Variants in POU2F1 observed in about 807,000 individuals in gnomAD.
The protein encoded by POU2F1 is POU domain, class 2, transcription factor 1.
In POU2F1, 16 loss-of-function variants were observed where a neutral mutation model predicts 84.9. That is an observed-to-expected ratio of 0.19 (90% CI 0.13 to 0.29). The LOEUF is 0.29. POU2F1 is among the 10% of genes least tolerant of loss of function. The probability of loss-of-function intolerance (pLI) is 1.00; values close to 1 mark genes in which losing one functional copy is unlikely to be tolerated. For missense variants in POU2F1, 738 were observed against 942.6 expected, an observed-to-expected ratio of 0.78 and a Z score of 2.84; for synonymous variants, 368 against 368.3, an observed-to-expected ratio of 1.00 and a Z score of 0.01.
At chr1:167,239,130 C>G (rs565280747) in intron 1 of POU2F1, among the ~76,000 whole-genome samples, 20 of 152,352 alleles carry the variant, frequency 1.3e-4, no homozygotes, top group African/African-American at 4.6e-4. Flanking sequence ...CCTATCCCTT[C>G]TACCAAAAAT....
chr1:167,399,710 A>G (rs1026827166), intron 12 of POU2F1, among the ~76,000 whole-genome samples: 7 of 151,900 alleles, frequency 4.6e-5, no homozygotes, highest in Non-Finnish European at 8.8e-5. Context: ...GTCTCATTCC[A>G]TCACCCAGGC....
chr1:167,335,401 C>G (rs111466631), intron 2 of POU2F1, among the ~76,000 whole-genome samples: 5 of 152,212 alleles, frequency 3.3e-5, no homozygotes, highest in African/African-American at 1.2e-4. Context: ...AAGGACCCAT[C>G]AGGGAGCAAG....
intron 1 of POU2F1, among the ~76,000 whole-genome samples, chr1:167,283,790 G>A (rs1653336694): frequency 6.6e-6 from 1 of 152,096 alleles, no homozygotes; most frequent in Non-Finnish European, 1.5e-5. Context: ...AGTGTCAAGC[G>A]GTCTTCTGTG....
intron 13 of POU2F1, among the ~76,000 whole-genome samples, chr1:167,402,483 C>T (rs1268687312): frequency 1.3e-5 from 2 of 152,068 alleles, no homozygotes; most frequent in Admixed American, 1.3e-4. Context: ...TCCAATCATC[C>T]ATTAATTTTT....
At chr1:167,364,724 A>G (rs1365438896) in intron 2 of POU2F1, among the ~76,000 whole-genome samples, 5 of 151,072 alleles carry the variant, frequency 3.3e-5, no homozygotes, top group Non-Finnish European at 7.4e-5. Flanking sequence ...TCAGGCGCAC[A>G]CCACCACACA....
chr1:167,330,064 G>T (rs561706159), intron 1 of POU2F1, among the ~76,000 whole-genome samples: 3 of 152,144 alleles, frequency 2.0e-5, no homozygotes, highest in African/African-American at 4.8e-5. Context: ...TTGATTTTTA[G>T]ATATATGGTG....
At chr1:167,241,712 T>C (rs180936395) in intron 1 of POU2F1, 1 of 152,266 alleles carries the variant, frequency 6.6e-6, no homozygotes, top group African/African-American at 2.4e-5. Context: ...ACTGTTCTAA[T>C]GTTTTACATG....
chr1:167,357,227 T>C (rs997096640), intron 2 of POU2F1, among the ~76,000 whole-genome samples: 1 of 152,154 alleles, frequency 6.6e-6, no homozygotes, highest in Non-Finnish European at 1.5e-5. Context: ...CCTTATCTTC[T>C]TCTTAATCTT....
intron 1 of POU2F1, among the ~76,000 whole-genome samples, chr1:167,283,751 GCTATTTT>G: frequency 6.6e-6 from 1 of 152,248 alleles, no homozygotes; most frequent in South Asian, 2.1e-4. Flanking sequence ...ACAAGAATTT[GCTATTTT>G]CTATAGTTTG....
intron 1 of POU2F1, among the ~76,000 whole-genome samples, chr1:167,278,228 A>C (rs1255155497): frequency 6.6e-6 from 1 of 152,180 alleles, no homozygotes; most frequent in Non-Finnish European, 1.5e-5. Flanking sequence ...TTTCCATTTC[A>C]TTCTTCACGT....
intron 1 of POU2F1, 46 bp downstream of exon 1, chr1:167,221,004 G>A: frequency 3.4e-6 from 5 of 1,468,304 alleles, no homozygotes; most frequent in Admixed American, 2.0e-5. Flanking sequence ...ACTCAACCCC[G>A]GCTCCCGCTG....
At position 167,301,722 on chromosome 1, in the gene POU2F1, G is replaced by A. The variant is rs149671714; in HGVS notation, c.62-30748G>A. 4.1e-3 allele frequency among the ~76,000 whole-genome samples: 621 copies of A among 152,308 alleles called. 5 individuals carry two copies. The highest frequency in any genetic ancestry group is 0.014 in the African/African-American group (600 of 41,582). Reference sequence around the variant, plus strand: ...GGGTAGGTTTTTCTTACTCCTTACAGTTCCTGGTTGGGAGGGTTTGGTGGA... The same window carrying A: ...GGGTAGGTTTTTCTTACTCCTTACAATTCCTGGTTGGGAGGGTTTGGTGGA... On this transcript the variant is annotated intron_variant, in intron 1 of 15. Coordinates refer to ENST00000367866, the MANE Select transcript of POU2F1 (RefSeq NM_002697.4).
chr1:167,349,356 T>C (rs1267587820), intron 2 of POU2F1, among the ~76,000 whole-genome samples: 1 of 152,206 alleles, frequency 6.6e-6, no homozygotes, highest in Non-Finnish European at 1.5e-5. Flanking sequence ...GAATATGGAA[T>C]TCATAAATGC....
chr1:167,351,597 T>C (rs1658589200), intron 2 of POU2F1, among the ~76,000 whole-genome samples: 1 of 150,824 alleles, frequency 6.6e-6, no homozygotes, highest in African/African-American at 2.4e-5. Context: ...TAAGTAATGA[T>C]TAAACGTCCT....
chr1:167,418,419 C>T lies in POU2F1; in HGVS notation c.*2609C>T, dbSNP rs1214959735. The T allele has an allele frequency of 6.6e-6, 1 of 152,156 alleles. No homozygotes were observed. Among genetic ancestry groups the T allele is most frequent in the Non-Finnish European group, 1.5e-5 (1 of 68,034 alleles). 9.4% of individuals were successfully genotyped at this position (152,156 alleles called of 1,614,324 possible). On this transcript the variant is annotated 3_prime_UTR_variant, in exon 16 of 16. Transcript: ENST00000367866. Reference sequence around the variant, plus strand: ...CTGACTTGACATCTCTACCTTTAGTCTGTGGAAATGATTTTAGGGCTATCA... The same window carrying T: ...CTGACTTGACATCTCTACCTTTAGTTTGTGGAAATGATTTTAGGGCTATCA...
chr1:167,401,428 A>G (rs1219359608), intron 12 of POU2F1, 23 bp from the exon 13 acceptor site: 4 of 1,534,178 alleles, frequency 2.6e-6, no homozygotes, highest in Admixed American at 3.5e-5. Context: ...TGCTTTGTCC[A>G]TGTTTTCATT....
intron 3 of POU2F1, among the ~76,000 whole-genome samples, 175 bp downstream of exon 3, chr1:167,365,742 G>A (rs1659647727): frequency 6.6e-6 from 1 of 152,196 alleles, no homozygotes; most frequent in Non-Finnish European, 1.5e-5. Context: ...TTAGTTGAGT[G>A]TATAGTCATT....
At chr1:167,317,463 G>A (rs1655986433) in intron 1 of POU2F1, among the ~76,000 whole-genome samples, 2 of 152,140 alleles carry the variant, frequency 1.3e-5, no homozygotes, top group African/African-American at 4.8e-5. Flanking sequence ...GGGAATCAGG[G>A]GGCTGACAGC....
At chr1:167,332,632 C>A in intron 2 of POU2F1, 97 bp downstream of exon 2, 1 of 895,784 alleles carries the variant, frequency 1.1e-6, no homozygotes, top group Non-Finnish European at 1.8e-6. Flanking sequence ...AAATACAGAC[C>A]AATTTGAGTA....
Sources: allele counts gnomAD v4.1 joint callset (sites outside exome capture counted in the v4.1 genomes callset), GRCh38; gene constraint gnomAD v4.1.1; transcripts MANE v1.5; gene names NCBI Gene and HGNC (gene_info 2026-07-23, HGNC 2026-07-21).